BIN1: variants seen among roughly 807,000 people sequenced by gnomAD.
The protein encoded by BIN1 is bridging integrator 1.
Under a neutral mutation model 82.0 loss-of-function variants are expected in BIN1, and 53 were observed. That is an observed-to-expected ratio of 0.65 (90% CI 0.52 to 0.81). The LOEUF (loss-of-function observed/expected upper bound fraction) is 0.81, where lower values mean the gene tolerates loss of function less well. BIN1 is among the 40% of genes least tolerant of loss of function. The probability of loss-of-function intolerance (pLI) is 0.00; values close to 1 mark genes in which losing one functional copy is unlikely to be tolerated. For synonymous variants in BIN1, 302 were observed against 328.0 expected (o/e 0.92, Z 0.86); for missense variants, 642 against 784.4 (o/e 0.82, Z 2.17).
intron 10 of BIN1, among the ~76,000 whole-genome samples, chr2:127,061,844 T>C (rs1372598441): frequency 1.3e-5 from 2 of 152,058 alleles, no homozygotes; most frequent in Non-Finnish European, 2.9e-5. Context: ...ATGCTCGTGC[T>C]CCACAATGAG....
chr2:127,074,123 G>C (rs1020505537), intron 2 of BIN1, among the ~76,000 whole-genome samples: 1 of 152,046 alleles, frequency 6.6e-6, no homozygotes, highest in African/African-American at 2.4e-5. Context: ...GGGCCCACTA[G>C]GCTTGGGGCT....
chr2:127,062,191 G>C lies in BIN1; in HGVS notation c.781C>G (p.Gln261Glu), dbSNP rs1442397347. Reference sequence around the variant, plus strand: ...CCGACCAGCACATCATTGAGGTTCTGGTTGAGCTGCAGGAGAGACAGTGAG... The same window carrying C: ...CCGACCAGCACATCATTGAGGTTCTCGTTGAGCTGCAGGAGAGACAGTGAG... ...NFHKEMSKLN[Q>E]NLNDVLVGLE... Residue 261 changes from glutamine to glutamate, a missense_variant, in exon 10 of 19, where the codon CAG becomes GAG. Transcript: ENST00000316724. The C allele has an allele frequency of 1.2e-6, 2 of 1,606,736 alleles. No homozygotes were observed. The highest frequency in any genetic ancestry group is 1.1e-5 in the South Asian group (1 of 89,460).
Position 127,106,945 on chromosome 2 carries a change from G to C in BIN1, c.-2C>G. 6.2e-7 allele frequency: 1 copy of C among 1,610,824 alleles called. No individual in the cohort carries two copies. Among genetic ancestry groups the C allele is most frequent in the Non-Finnish European group, 8.5e-7 (1 of 1,179,128 alleles). ...CCCTTTACTGCCCATCTCTGCCATC[G>C]CGGCGCAGGCCTCGCCCGGTGGCAG... On this transcript the variant is annotated 5_prime_UTR_variant, in exon 1 of 19. Coordinates refer to ENST00000316724, the MANE Select transcript of BIN1 (RefSeq NM_139343.3).
rs886054831 is a variant in BIN1 at position 127,048,283 on chromosome 2, A to G, written c.*243T>C. The G allele has an allele frequency of 2.0e-5, 10 of 511,824 alleles. 1 individual carries two copies. Among genetic ancestry groups the G allele is most frequent in the South Asian group, 1.9e-4 (9 of 48,244 alleles). The allele number at this position is 511,824 out of a possible 1,614,324, so 31.7% of individuals were successfully genotyped here. A position where few individuals can be genotyped will look rare whatever the true frequency, so the allele number is the denominator to read the frequency against. ...ACATGCGGGCACAGGCAGGGGCGCC[A>G]GAAACTCAACTAGAGGACACAGCAG... On this transcript the variant is annotated 3_prime_UTR_variant, in exon 19 of 19. Transcript: ENST00000316724.
At position 127,090,317 on chromosome 2, in the gene BIN1, G is replaced by A. The variant is rs1468158497; in HGVS notation, c.85-13611C>T. Among the ~76,000 whole-genome samples the A allele has an allele frequency of 2.6e-5, 4 of 152,222 alleles. No individual in the cohort carries two copies. Among genetic ancestry groups the A allele is most frequent in the Non-Finnish European group, 4.4e-5 (3 of 68,028 alleles). ...CTGTGGCCACATGAGGAGCCCTGAT[G>A]GGCCTTGCTACTACTCCACATCCCA... On this transcript the variant is annotated intron_variant, in intron 1 of 18. Coordinates refer to ENST00000316724, the MANE Select transcript of BIN1 (RefSeq NM_139343.3). This position sits in a 1 kb window ranked among gnomAD's most constrained non-coding sequence, Gnocchi z 6.4.
Position 127,053,601 on chromosome 2 carries a change from G to C in BIN1, c.1240-156C>G. 5 of 1,020,076 alleles carry C rather than the reference G, an allele frequency of 4.9e-6. No homozygotes were observed. The South Asian group carries it at 6.9e-5, about 14-fold the overall frequency. 63.2% of individuals were successfully genotyped at this position (1,020,076 alleles called of 1,614,324 possible). A position where few individuals can be genotyped will look rare whatever the true frequency, so the allele number is the denominator to read the frequency against. Reference sequence around the variant, plus strand: ...AGCCAGGTAGACTCCAAGATTTGCAGGTGGCCGAGCTCCCGACACCTCTCA... The same window carrying C: ...AGCCAGGTAGACTCCAAGATTTGCACGTGGCCGAGCTCCCGACACCTCTCA... On this transcript the variant is annotated intron_variant, in intron 13 of 18. Transcript: ENST00000316724.
chr2:127,063,616 C>T lies in BIN1; in HGVS notation c.729G>A (p.Gln243=). 6.2e-7 allele frequency: 1 copy of T among 1,613,994 alleles called. No homozygotes were observed. The highest frequency in any genetic ancestry group is 8.5e-7 in the Non-Finnish European group (1 of 1,179,980). Residue 243 remains glutamine (Q), a synonymous_variant, in exon 9 of 19, where the codon CAG becomes CAA. Transcript: ENST00000316724. ...SRVGFYVNTF[Q]SIAGLEENFH... is the part of the protein sequence containing the mutation. Reference sequence around the variant, plus strand: ...AGTTTTCCTCCAGGCCCGCGATGCTCTGGAACGTGTTGACGTAGAAACCTA... The same window carrying T: ...AGTTTTCCTCCAGGCCCGCGATGCTTTGGAACGTGTTGACGTAGAAACCTA...
chr2:127,090,042 T>A lies in BIN1; in HGVS notation c.85-13336A>T, dbSNP rs1317279779. On this transcript the variant is annotated intron_variant, in intron 1 of 18. Transcript: ENST00000316724. This position sits in a 1 kb window ranked among gnomAD's most constrained non-coding sequence, Gnocchi z 6.4. Reference sequence around the variant, plus strand: ...CGCACCTGCCGCCCAGTGCACCTGCTCCTGCGGCTCACAGTCCACTGCAGC... The same window carrying A: ...CGCACCTGCCGCCCAGTGCACCTGCACCTGCGGCTCACAGTCCACTGCAGC... Among the ~76,000 whole-genome samples, 2 of 145,458 alleles carry A rather than the reference T, an allele frequency of 1.4e-5. No homozygotes were observed. Among genetic ancestry groups the A allele is most frequent in the Non-Finnish European group, 3.0e-5 (2 of 67,088 alleles).
chr2:127,057,327 G>C lies in BIN1; in HGVS notation c.1131+146C>G. ...GGAGGATGATGGAGGATGATGGATG[G>C]AGGGAACAAAGGGTGAGAGAGGGAA... On this transcript the variant is annotated intron_variant, in intron 12 of 18. Transcript: ENST00000316724. This position sits in a 1 kb window ranked among gnomAD's most constrained non-coding sequence, Gnocchi z 5.0. The C allele has an allele frequency of 8.8e-7, 1 of 1,134,526 alleles. No homozygotes were observed. The highest frequency in any genetic ancestry group is 1.2e-6 in the Non-Finnish European group (1 of 844,574). 70.3% of individuals were successfully genotyped at this position (1,134,526 alleles called of 1,614,324 possible).
At chr2:127,058,924 CAG>C in intron 11 of BIN1, 85 bp downstream of exon 11, 1 of 1,526,772 alleles carries the variant, frequency 6.5e-7, no homozygotes, top group Non-Finnish European at 8.8e-7. Context: ...AGAAAGGGGA[CAG>C]AGGAGTGGGA....
rs1286868019 is a variant in BIN1 at position 127,059,298 on chromosome 2, G to A, written c.858-143C>T. The A allele has an allele frequency of 4.7e-6, 4 of 849,798 alleles. No individual in the cohort carries two copies. The Admixed American group carries it at 6.6e-5, about 14-fold the overall frequency. 52.6% of individuals were successfully genotyped at this position (849,798 alleles called of 1,614,324 possible). On this transcript the variant is annotated intron_variant, in intron 10 of 18. Coordinates refer to ENST00000316724, the MANE Select transcript of BIN1 (RefSeq NM_139343.3). This position sits in a 1 kb window ranked among gnomAD's most constrained non-coding sequence, Gnocchi z 6.7. The stretch of plus-strand genomic sequence containing the variant: ...TGTGTGTGTGTGTGTGTGTGTATGT[G>A]AGAGAGAGCAGGAGGGTGGGGGGAG...
At chr2:127,104,415 G>A (rs1360673697) in intron 1 of BIN1, among the ~76,000 whole-genome samples, 1 of 152,138 alleles carries the variant, frequency 6.6e-6, no homozygotes, top group Non-Finnish European at 1.5e-5. Flanking sequence ...TCACAGTCTG[G>A]ATGTTTGTTT....
chr2:127,052,993 TC>T, intron 14 of BIN1: 2 of 297,078 alleles, frequency 6.7e-6, no homozygotes, highest in Non-Finnish European at 1.3e-5. Context: ...CATCCATTCC[TC>T]CCCTCTCCCC....
In BIN1 at chr2:127,068,070, T is replaced by A; in HGVS notation, c.612+93A>T. ...TTGAAAAACCCTGCCCCAGCTGGGCTCAGATGCCAGCCCTGCATTCCACCG... is the reference window on the plus strand; with the variant it reads ...TTGAAAAACCCTGCCCCAGCTGGGCACAGATGCCAGCCCTGCATTCCACCG... On this transcript the variant is annotated intron_variant, in intron 7 of 18. Transcript: ENST00000316724. This position sits in a 1 kb window ranked among gnomAD's most constrained non-coding sequence, Gnocchi z 4.9. The A allele has an allele frequency of 2.3e-6, 3 of 1,323,120 alleles. No individual in the cohort carries two copies. The highest frequency in any genetic ancestry group is 3.2e-6 in the Non-Finnish European group (3 of 939,454). The allele number at this position is 1,323,120 out of a possible 1,614,324, so 82.0% of individuals were successfully genotyped here.
chr2:127,068,305 G>A lies in BIN1; in HGVS notation c.520-50C>T. ...GGAAGGTGGAGAGACCAGGGAGGTG[G>A]GGAGAGAGAAACAGAGACACACAGA... On this transcript the variant is annotated intron_variant, in intron 6 of 18. Transcript: ENST00000316724. The surrounding 1 kb of genome is among the most constrained non-coding windows in gnomAD (Gnocchi z 4.9). 6.8e-7 allele frequency: 1 copy of A among 1,479,122 alleles called. No homozygotes were observed. The allele number at this position is 1,479,122 out of a possible 1,614,324, so 91.6% of individuals were successfully genotyped here. A position where few individuals can be genotyped will look rare whatever the true frequency, so the allele number is the denominator to read the frequency against.
At chr2:127,054,363 A>C in intron 12 of BIN1, 1 of 344,166 alleles carries the variant, frequency 2.9e-6, no homozygotes, top group Non-Finnish European at 5.6e-6. Flanking sequence ...GCCACCATCC[A>C]CAGACTGGTG....
chr2:127,060,748 G>C (rs1475836644), intron 10 of BIN1: 4 of 1,428,226 alleles, frequency 2.8e-6, no homozygotes, highest in East Asian at 4.8e-5. Context: ...GAGGACAAAG[G>C]GGCAAAAGCC....
Position 127,069,610 on chromosome 2 carries a change from T to G in BIN1, c.411+385A>C, listed in dbSNP as rs1685601271. 7.2e-5 allele frequency among the ~76,000 whole-genome samples: 11 copies of G among 152,094 alleles called. No homozygotes were observed. The South Asian group carries it at 2.1e-3, about 29-fold the overall frequency. On this transcript the variant is annotated intron_variant, in intron 5 of 18. Transcript: ENST00000316724. ...ATGTAGACCCAGACAACAGGTGACA[T>G]GCACACATACCCTTCCAAGCACCCA...
intron 1 of BIN1, among the ~76,000 whole-genome samples, chr2:127,080,835 G>T (rs1477726219): frequency 1.3e-5 from 2 of 152,224 alleles, no homozygotes; most frequent in Non-Finnish European, 2.9e-5. Context: ...ACCTCCTCCT[G>T]CAATCATCCA....
Sources: allele counts gnomAD v4.1 joint callset (sites outside exome capture counted in the v4.1 genomes callset), GRCh38; gene constraint gnomAD v4.1.1; non-coding constraint Gnocchi (gnomAD v3.1); transcripts MANE v1.5; gene names NCBI Gene and HGNC (gene_info 2026-07-23, HGNC 2026-07-21).